ZKSCAN4: variants seen among roughly 807,000 people sequenced by gnomAD.
ZKSCAN4 encodes the protein zinc finger with KRAB and SCAN domains 4.
In ZKSCAN4, 23 loss-of-function variants were observed where a neutral mutation model predicts 30.8. That is an observed-to-expected ratio of 0.75 (90% CI 0.54 to 1.06). The LOEUF is 1.06. Among genes scored for constraint, ZKSCAN4 ranks in the 50% least tolerant of loss-of-function variants. ZKSCAN4 has a pLI of 0.00. For synonymous variants in ZKSCAN4, 208 were observed against 252.5 expected (o/e 0.82, Z 1.67); for missense variants, 556 against 665.4 (o/e 0.84, Z 1.81).
intron 3 of ZKSCAN4, among the ~76,000 whole-genome samples, chr6:28,247,816 GA>G (rs1330488730): frequency 6.6e-6 from 1 of 152,204 alleles, no homozygotes; most frequent in Admixed American, 6.5e-5. Flanking sequence ...GCTGACCGAA[GA>G]AATGTAGGAG....
chr6:28,245,181 T>G lies in ZKSCAN4; in HGVS notation c.1573A>C (p.Thr525Pro). Residue 525 changes from threonine (T) to proline (P), a missense_variant, in exon 5 of 5, where the codon ACT (threonine) becomes CCT (proline). Coordinates refer to ENST00000377294, the MANE Select transcript of ZKSCAN4 (RefSeq NM_019110.5). ...TGTTGAACAAGGTATGAAGTTCGAG[T>G]GAAACCTTTTCCACATGTGTCACAC... ...YQCDTCGKGFTRTSYLVQHQR... is the reference protein window; with the variant it reads ...YQCDTCGKGFPRTSYLVQHQR... The G allele has an allele frequency of 1.2e-6, 2 of 1,614,130 alleles. No individual in the cohort carries two copies. Among genetic ancestry groups the G allele is most frequent in the Non-Finnish European group, 1.7e-6 (2 of 1,180,018 alleles).
rs201938584 is a variant in ZKSCAN4, at chr6:28,247,025, T to G, written c.722A>C (p.Gln241Pro). 3.1e-6 allele frequency: 5 copies of G among 1,613,394 alleles called. No homozygotes were observed. Among genetic ancestry groups the G allele is most frequent in the East Asian group, 4.5e-5 (2 of 44,880 alleles). Reference protein sequence around the residue: ...TPGWTQLDSSQVNLYRDEKQE... With the variant: ...TPGWTQLDSSPVNLYRDEKQE... ...CTTTTCATCTCTGTAGAGGTTCACC[T>G]GAGATGAATCCAGCTGTGTCCACCC... The change falls in exon 4 of 5, where the codon CAG becomes CCG. Residue 241 changes from glutamine to proline, a missense_variant. Transcript: ENST00000377294.
In ZKSCAN4 at chr6:28,252,216, T is replaced by C. The variant is rs555466995; in HGVS notation, c.-236A>G. 3.7e-5 allele frequency: 14 copies of C among 380,548 alleles called. No homozygotes were observed. The highest frequency in any genetic ancestry group is 6.1e-5 in the Non-Finnish European group (13 of 214,354). 23.6% of individuals were successfully genotyped at this position (380,548 alleles called of 1,614,324 possible). ...TCCCACAGTAAGTATCACCAAAGGA[T>C]GTCTTTGGGAGTGAAAGTGATCACT... On this transcript the variant is annotated 5_prime_UTR_variant, in exon 1 of 5. Coordinates refer to ENST00000377294, the MANE Select transcript of ZKSCAN4 (RefSeq NM_019110.5).
In ZKSCAN4 at chr6:28,242,098, T is replaced by C. The variant is rs963817846; in HGVS notation, c.*3018A>G. ...AGAAAATAGAAGATTTCTGCGCTGC[T>C]TCAGTTACAGAAATGAAATAGAATG... is the stretch of plus-strand genomic sequence containing the variant. On this transcript the variant is annotated 3_prime_UTR_variant, in exon 5 of 5. Transcript: ENST00000377294. Among the ~76,000 whole-genome samples, 1 of 152,234 alleles carries C rather than the reference T, an allele frequency of 6.6e-6. No homozygotes were observed. Among genetic ancestry groups the C allele is most frequent in the Non-Finnish European group, 1.5e-5 (1 of 68,032 alleles).
rs548678690 is a variant in ZKSCAN4 at position 28,244,687 on chromosome 6, C to T, written c.*429G>A. 114 of 210,660 alleles carry T rather than the reference C, an allele frequency of 5.4e-4. 1 individual carries two copies. The highest frequency in any genetic ancestry group is 2.6e-3 in the African/African-American group (112 of 43,238). 13.0% of individuals were successfully genotyped at this position (210,660 alleles called of 1,614,324 possible). On this transcript the variant is annotated 3_prime_UTR_variant, in exon 5 of 5. Transcript: ENST00000377294. ...TAAATGTTTATTAGCACCTATCATA[C>T]AAGGCACAAAGAAGAGTAAAAGACC...
At chr6:28,255,703 C>T (rs371226265), upstream of ZKSCAN4, among the ~76,000 whole-genome samples, 1 of 152,050 alleles carries the variant, frequency 6.6e-6, no homozygotes, top group African/African-American at 2.4e-5. Context: ...CTAAGTGTTC[C>T]TCCATTTCCA....
At chr6:28,254,250 G>C (rs759721002), upstream of ZKSCAN4, among the ~76,000 whole-genome samples, 5 of 152,222 alleles carry the variant, frequency 3.3e-5, no homozygotes, top group Non-Finnish European at 5.9e-5. Context: ...AGTGTGCTCA[G>C]ACTAGCAGCT....
rs148346631 is a variant in ZKSCAN4 at position 28,248,111 on chromosome 6, T to C, written c.610A>G (p.Arg204Gly). Residue 204 changes from arginine to glycine, a missense_variant, in exon 3 of 5, where the codon AGA becomes GGA. Physicochemically the swap from Arg to Gly is moderately radical, Grantham distance 125. This residue lies in a region of ZKSCAN4 where 433 missense variants were observed against 511.5 expected (regional missense o/e 0.85). Transcript: ENST00000377294. ...CTGGAAGCTACCATTGCATCTTCTC[T>C]GCAGCACCCTCCCTGGGCAAGCCCA... ...VPGLAQGGCC[R>G]EDAMVASRLT... is the part of the protein sequence containing the mutation. 1.2e-5 allele frequency: 20 copies of C among 1,613,808 alleles called. No individual in the cohort carries two copies. The African/African-American group carries it at 2.5e-4, about 20-fold the overall frequency.
Position 28,246,996 on chromosome 6 carries a change from C to G in ZKSCAN4, c.751G>C (p.Glu251Gln), listed in dbSNP as rs1760765247. The G allele has an allele frequency of 6.2e-7, 1 of 1,612,496 alleles. No individual in the cohort carries two copies. Residue 251 changes from glutamate (E) to glutamine (Q), a missense_variant, in exon 4 of 5, where the codon GAG (glutamate) becomes CAG (glutamine). Coordinates refer to ENST00000377294, the MANE Select transcript of ZKSCAN4 (RefSeq NM_019110.5). The stretch of plus-strand genomic sequence containing the variant: ...AGGGAGACCAGGCTGCTATGGTTCT[C>G]CTGCTTTTCATCTCTGTAGAGGTTC... ...QVNLYRDEKQ[E>Q]NHSSLVSLGG...
At chr6:28,258,604 C>T in the ZKSCAN4 span, among the ~76,000 whole-genome samples, 56 of 150,596 alleles carry the variant, frequency 3.7e-4, 1 homozygote, top group Admixed American at 2.4e-3. Context: ...AAAGTGACAA[C>T]GGTCTCTACA....
In ZKSCAN4 at chr6:28,249,836, T is replaced by C; in HGVS notation, c.424-2A>G. On this transcript the variant is annotated splice_acceptor_variant, in intron 1 of 4. Coordinates refer to ENST00000377294, the MANE Select transcript of ZKSCAN4 (RefSeq NM_019110.5). LOFTEE classifies it high-confidence loss of function. This position sits in a 1 kb window ranked among gnomAD's most constrained non-coding sequence, Gnocchi z 4.1. ...TTGCCCCTGGTCACCAACGGGAACC[T>C]AGAAGTCACGATTTTTAGTTATCTA... The C allele has an allele frequency of 6.2e-7, 1 of 1,612,276 alleles. No homozygotes were observed. The highest frequency in any genetic ancestry group is 8.5e-7 in the Non-Finnish European group (1 of 1,179,550).
chr6:28,245,354 G>A lies in ZKSCAN4; in HGVS notation c.1400C>T (p.Ser467Phe). The part of the protein sequence containing the change: ...KNVQNPEHGE[S>F]WESQGRTESQ... ...TTCCGTCCTACCCTGACTTTCCCAG[G>A]ACTCCCCGTGCTCAGGATTCTGAAC... The change falls in exon 5 of 5, where the codon TCC becomes TTC. Residue 467 changes from serine to phenylalanine, a missense_variant. Ser to Phe is a radical substitution (Grantham distance 155). This residue lies in a region of ZKSCAN4 where 433 missense variants were observed against 511.5 expected (regional missense o/e 0.85). Coordinates refer to ENST00000377294, the MANE Select transcript of ZKSCAN4 (RefSeq NM_019110.5). 1.2e-6 allele frequency: 2 copies of A among 1,614,190 alleles called. No individual in the cohort carries two copies. The highest frequency in any genetic ancestry group is 1.7e-6 in the Non-Finnish European group (2 of 1,180,040).
In ZKSCAN4 at chr6:28,249,856, T is replaced by C. The variant is rs1312230722; in HGVS notation, c.424-22A>G. 3.1e-6 allele frequency: 5 copies of C among 1,611,932 alleles called. No individual in the cohort carries two copies. The highest frequency in any genetic ancestry group is 4.2e-6 in the Non-Finnish European group (5 of 1,179,346). On this transcript the variant is annotated intron_variant, in intron 1 of 4. Coordinates refer to ENST00000377294, the MANE Select transcript of ZKSCAN4 (RefSeq NM_019110.5). This position sits in a 1 kb window ranked among gnomAD's most constrained non-coding sequence, Gnocchi z 4.1. ...GAACCTAGAAGTCACGATTTTTAGT[T>C]ATCTACCCAACATTTCTATGTTTTC...
rs1461784001 is a variant in ZKSCAN4 at position 28,249,418 on chromosome 6, C to G, written c.571+269G>C. On this transcript the variant is annotated intron_variant, in intron 2 of 4. Transcript: ENST00000377294. This position sits in a 1 kb window ranked among gnomAD's most constrained non-coding sequence, Gnocchi z 4.1. ...CACTGGCTACCATAGATGAAGGCTC[C>G]CTAAATATATCTAATGAATGGAGAT... Among the ~76,000 whole-genome samples, 1 of 152,062 alleles carries G rather than the reference C, an allele frequency of 6.6e-6. No homozygotes were observed. The highest frequency in any genetic ancestry group is 1.5e-5 in the Non-Finnish European group (1 of 68,012).
chr6:28,241,737 A>G lies in ZKSCAN4; in HGVS notation c.*3379T>C, dbSNP rs1343893973. On this transcript the variant is annotated 3_prime_UTR_variant, in exon 5 of 5. Transcript: ENST00000377294. ...AAAATATAGTCTTTATTATTAAACAATTATAATTCCTTTATTTGGAGGTTT... is the reference window on the plus strand; with the variant it reads ...AAAATATAGTCTTTATTATTAAACAGTTATAATTCCTTTATTTGGAGGTTT... Among the ~76,000 whole-genome samples, 1 of 152,188 alleles carries G rather than the reference A, an allele frequency of 6.6e-6. No individual in the cohort carries two copies. Among genetic ancestry groups the G allele is most frequent in the African/African-American group, 2.4e-5 (1 of 41,452 alleles).
chr6:28,253,374 T>G (rs1254719219), upstream of ZKSCAN4, among the ~76,000 whole-genome samples: 1 of 152,210 alleles, frequency 6.6e-6, no homozygotes, highest in South Asian at 2.1e-4. This position sits in a 1 kb window ranked among gnomAD's most constrained non-coding sequence, Gnocchi z 4.2. Context: ...TGCCTCTACA[T>G]TCCAAGGATT....
chr6:28,246,616 G>A (rs1353065110), intron 4 of ZKSCAN4, among the ~76,000 whole-genome samples: 1 of 152,044 alleles, frequency 6.6e-6, no homozygotes, highest in Non-Finnish European at 1.5e-5. Flanking sequence ...TGGCTCTCAC[G>A]TTCTGAATCC....
In ZKSCAN4 at chr6:28,247,060, G is replaced by T; in HGVS notation, c.687C>A (p.Thr229=). 6.2e-7 allele frequency: 1 copy of T among 1,611,282 alleles called. No individual in the cohort carries two copies. The highest frequency in any genetic ancestry group is 8.5e-7 in the Non-Finnish European group (1 of 1,178,762). ...CCAGCTGTGTCCACCCAGGAGTGAGGGTCAGGGCCACATCTTCCATTTTCA... is the reference window on the plus strand; with the variant it reads ...CCAGCTGTGTCCACCCAGGAGTGAGTGTCAGGGCCACATCTTCCATTTTCA... ...GLLKMEDVAL[T]LTPGWTQLDS... is the part of the protein sequence containing the mutation. The change falls in exon 4 of 5, where the codon ACC becomes ACA. Residue 229 remains threonine (T), a synonymous_variant. Transcript: ENST00000377294.
At chr6:28,247,616 A>T (rs1224287293) in intron 3 of ZKSCAN4, among the ~76,000 whole-genome samples, 1 of 152,262 alleles carries the variant, frequency 6.6e-6, no homozygotes, top group African/African-American at 2.4e-5. Context: ...TAACTTCAAG[A>T]TAACTATGCC....
Sources: gnomAD v4.1 joint callset for allele counts (sites outside exome capture counted in the v4.1 genomes callset) on GRCh38, gnomAD v4.1.1 for gene constraint, gnomAD v4.1.1 regional missense constraint, Gnocchi (gnomAD v3.1) non-coding constraint, MANE v1.5 for transcripts, NCBI Gene and HGNC (gene_info 2026-07-23, HGNC 2026-07-21) for gene names.